Variants in SLC38A11 observed in about 807,000 individuals in gnomAD.
SLC38A11 encodes solute carrier family 38 member 11.
A neutral mutation model predicts 49.4 loss-of-function variants in SLC38A11; 51 were observed. The ratio of observed to expected loss-of-function variants is 1.03; its 90% CI spans 0.83 to 1.30. The LOEUF is 1.30. Among genes scored for constraint, SLC38A11 ranks in the 50% most tolerant of loss-of-function variants. The pLI, the probability that SLC38A11 is intolerant of heterozygous loss-of-function variation, is 0.00. For synonymous variants in SLC38A11, 203 were observed against 192.9 expected (o/e 1.05, Z -0.43); for missense variants, 574 against 556.2 (o/e 1.03, Z -0.32).
chr2:164,925,694 A>C (rs1686525123), intron 7 of SLC38A11, among the ~76,000 whole-genome samples: 1 of 152,184 alleles, frequency 6.6e-6, no homozygotes, highest in Admixed American at 6.5e-5. Flanking sequence ...GCGTATTCAT[A>C]ATTCTATTAA....
chr2:164,935,404 T>C (rs1163547404), intron 7 of SLC38A11, among the ~76,000 whole-genome samples: 2 of 151,558 alleles, frequency 1.3e-5, no homozygotes, highest in Non-Finnish European at 2.9e-5. Flanking sequence ...GCATGGTGGT[T>C]TACACCTGTT....
chr2:164,901,939 G>A (rs1559083758), intron 11 of SLC38A11, among the ~76,000 whole-genome samples: 1 of 151,388 alleles, frequency 6.6e-6, no homozygotes, highest in Non-Finnish European at 1.5e-5. Flanking sequence ...TCTCTAAACT[G>A]TTAAAAGAGT....
intron 3 of SLC38A11, among the ~76,000 whole-genome samples, chr2:164,950,486 T>C (rs1688448171): frequency 6.6e-6 from 1 of 152,190 alleles, no homozygotes; most frequent in Admixed American, 6.5e-5. Context: ...GCTACAAATA[T>C]ATTCCCTTAA....
chr2:164,936,764 C>T (rs578113919), intron 7 of SLC38A11, among the ~76,000 whole-genome samples: 1 of 152,204 alleles, frequency 6.6e-6, no homozygotes, highest in East Asian at 1.9e-4. Flanking sequence ...TGACAATACA[C>T]ACACTTTAAA....
At chr2:164,909,933 A>T (rs959355631) in intron 10 of SLC38A11, among the ~76,000 whole-genome samples, 27 of 152,154 alleles carry the variant, frequency 1.8e-4, no homozygotes, top group African/African-American at 6.0e-4. Flanking sequence ...TCCAAGTATT[A>T]TCTTATTTAA....
intron 11 of SLC38A11, among the ~76,000 whole-genome samples, chr2:164,900,402 T>C (rs961695127): frequency 6.6e-6 from 1 of 152,122 alleles, no homozygotes; most frequent in Non-Finnish European, 1.5e-5. Context: ...ACTATTCCAA[T>C]GTACATTCCC....
At chr2:164,907,410 A>C (rs1574743832) in intron 11 of SLC38A11, among the ~76,000 whole-genome samples, 1 of 150,684 alleles carries the variant, frequency 6.6e-6, no homozygotes. Context: ...AGTAGCTGGG[A>C]CTACAGGCAC....
In SLC38A11 at chr2:164,898,565, G is replaced by A; in HGVS notation, c.1261C>T (p.Gln421Ter). Residue 421 changes from glutamine (Q) to a stop codon, truncating the protein, a stop_gained, in exon 12 of 12, where the codon CAA becomes TAA. Coordinates refer to ENST00000685975, the MANE Select transcript of SLC38A11 (RefSeq NM_001351537.2). LOFTEE classifies it high-confidence loss of function. ...FGFVMAITNT[Q>*]DCTHGQEMFY... ...ATTTCCTGCCCATGGGTGCAGTCTT[G>A]AGTATTTGTAATAGCCATGACGAAT... 2 of 1,613,648 alleles carry A rather than the reference G, an allele frequency of 1.2e-6. No individual in the cohort carries two copies. Among genetic ancestry groups the A allele is most frequent in the Non-Finnish European group, 1.7e-6 (2 of 1,179,762 alleles).
At chr2:164,917,235 A>G (rs1012913044) in intron 7 of SLC38A11, among the ~76,000 whole-genome samples, 3 of 152,194 alleles carry the variant, frequency 2.0e-5, no homozygotes, top group African/African-American at 7.2e-5. Context: ...TAAAAAACAG[A>G]AATTCTAAAG....
chr2:164,942,349 C>T (rs1035334924), intron 5 of SLC38A11, among the ~76,000 whole-genome samples: 1 of 150,108 alleles, frequency 6.7e-6, no homozygotes, highest in South Asian at 2.1e-4. Context: ...GTGGGAGGAT[C>T]ACCTGAGCCC....
At chr2:164,940,229 TA>T (rs1687669044) in intron 5 of SLC38A11, among the ~76,000 whole-genome samples, 3 of 1,306 alleles carry the variant, frequency 2.3e-3, no homozygotes, top group Non-Finnish European at 6.9e-3. Flanking sequence ...TAGAAAATTT[TA>T]TATATATATA....
In SLC38A11 at chr2:164,911,763, A is replaced by C. The variant is rs1247361583; in HGVS notation, c.851-15T>G. ...AAATAAGTCCCCTAGATAGTAATAT[A>C]AAATAAGTTTATTTACTAGATACTA... On this transcript the variant is annotated splice_polypyrimidine_tract_variant and intron_variant, in intron 9 of 11. Transcript: ENST00000685975. 5.8e-5 allele frequency: 84 copies of C among 1,446,154 alleles called. No homozygotes were observed. Among genetic ancestry groups the C allele is most frequent in the Non-Finnish European group, 7.7e-5 (81 of 1,052,488 alleles). The allele number at this position is 1,446,154 out of a possible 1,614,324, so 89.6% of individuals were successfully genotyped here.
chr2:164,942,432 C>CAAAAAAAAA (rs138965956), intron 5 of SLC38A11, among the ~76,000 whole-genome samples: 2 of 103,460 alleles, frequency 1.9e-5, no homozygotes, highest in Non-Finnish European at 3.9e-5. Flanking sequence ...GACTCTGTCT[C>CAAAAAAAAA]AAAAAAAAAA....
intron 5 of SLC38A11, among the ~76,000 whole-genome samples, chr2:164,942,689 C>A (rs995795109): frequency 1.3e-5 from 2 of 152,140 alleles, no homozygotes; most frequent in Admixed American, 6.5e-5. Flanking sequence ...TCTACCCACT[C>A]GTGTGGCCTC....
rs751887372 is a variant in SLC38A11, at chr2:164,952,674, G to A, written c.229+33C>T. 16 of 1,372,702 alleles carry A rather than the reference G, an allele frequency of 1.2e-5. No homozygotes were observed. The Admixed American group carries it at 1.2e-4, about 10-fold the overall frequency. 85.0% of individuals were successfully genotyped at this position (1,372,702 alleles called of 1,614,324 possible). ...TGTGTGTAGTTATTGCACAGTTGAAGTTGCAGAAATAAGAAATTATATAGT... is the reference window on the plus strand; with the variant it reads ...TGTGTGTAGTTATTGCACAGTTGAAATTGCAGAAATAAGAAATTATATAGT... On this transcript the variant is annotated intron_variant, in intron 3 of 11. Transcript: ENST00000685975.
At chr2:164,938,322 C>T (rs907454936) in intron 6 of SLC38A11, among the ~76,000 whole-genome samples, 1 of 152,120 alleles carries the variant, frequency 6.6e-6, no homozygotes, top group African/African-American at 2.4e-5. Context: ...AACTCAAGTA[C>T]AAGCAGCCTG....
chr2:164,952,628 A>ATGTGTGTG, intron 3 of SLC38A11, 79 bp downstream of exon 3: 2 of 812,710 alleles, frequency 2.5e-6, no homozygotes, highest in Non-Finnish European at 2.1e-6. Context: ...CAGTTGCAGC[A>ATGTGTGTG]TGTGTGTGTG....
rs1685407512 is a variant in SLC38A11 at position 164,911,622 on chromosome 2, G to C, written c.963+14C>G. On this transcript the variant is annotated intron_variant, in intron 10 of 11. Coordinates refer to ENST00000685975, the MANE Select transcript of SLC38A11 (RefSeq NM_001351537.2). Reference sequence around the variant, plus strand: ...GATCACCTGGGTAAAGCGTTGGGAAGGAACCGCGCTTACCTCTCTTGTCAC... The same window carrying C: ...GATCACCTGGGTAAAGCGTTGGGAACGAACCGCGCTTACCTCTCTTGTCAC... 7.2e-7 allele frequency: 1 copy of C among 1,398,496 alleles called. No homozygotes were observed. Among genetic ancestry groups the C allele is most frequent in the Non-Finnish European group, 9.9e-7 (1 of 1,013,670 alleles). 86.6% of individuals were successfully genotyped at this position (1,398,496 alleles called of 1,614,324 possible).
rs201314928 is a variant in SLC38A11, at chr2:164,915,282, C to CA, written c.689-10dup. On this transcript the variant is annotated splice_polypyrimidine_tract_variant and intron_variant, in intron 8 of 11. Coordinates refer to ENST00000685975, the MANE Select transcript of SLC38A11 (RefSeq NM_001351537.2). ...ATGGTGGCAAATAAATGCTGCAATA[C>CA]AAAAAAAAAGAGCATTATTAAATCA... is the stretch of plus-strand genomic sequence containing the variant. 3,163 of 1,545,950 alleles carry CA rather than the reference C, an allele frequency of 2.0e-3. 36 individuals are homozygous for CA. The African/African-American group carries it at 0.032, about 16-fold the overall frequency.
Sources: allele counts gnomAD v4.1 joint callset (sites outside exome capture counted in the v4.1 genomes callset), GRCh38; gene constraint gnomAD v4.1.1; transcripts MANE v1.5; gene names NCBI Gene and HGNC (gene_info 2026-07-23, HGNC 2026-07-21).